Variants in ZNF729 observed in about 807,000 individuals in gnomAD.
ZNF729 encodes the protein zinc finger protein 729.
In ZNF729, 15 loss-of-function variants were observed where a neutral mutation model predicts 12.2. The observed-to-expected ratio is 1.23, with a 90% CI of 0.82 to 1.89. ZNF729 has a LOEUF of 1.89. Among genes scored for constraint, ZNF729 ranks in the 40% most tolerant of loss-of-function variants. ZNF729 has a pLI of 0.00. For synonymous variants in ZNF729, 492 were observed against 476.3 expected, an observed-to-expected ratio of 1.03 and a Z score of -0.43; for missense variants, 1,540 against 1,456.7, an observed-to-expected ratio of 1.06 and a Z score of -0.93.
At position 22,314,165 on chromosome 19, in the gene ZNF729, A is replaced by G. The variant is rs201828154; in HGVS notation, c.748A>G (p.Thr250Ala). The G allele has an allele frequency of 4.4e-4, 685 of 1,571,974 alleles. No individual in the cohort carries two copies. The highest frequency in any genetic ancestry group is 1.2e-3 in the Middle Eastern group (7 of 6,008). Residue 250 changes from threonine (T) to alanine (A), a missense_variant, in exon 4 of 4, where the codon ACG (threonine) becomes GCG (alanine). Thr to Ala is a moderately conservative substitution (Grantham distance 58, BLOSUM62 0). Transcript: ENST00000601693. ...KCGNAFKFSS[T>A]FTKHKRIHTG... ...TGGCAATGCCTTTAAATTTTCTTCA[A>G]CGTTCACTAAACATAAGAGAATTCA...
chr19:22,290,945 T>C (rs1290960971), intron 1 of ZNF729, among the ~76,000 whole-genome samples: 1 of 152,148 alleles, frequency 6.6e-6, no homozygotes, highest in African/African-American at 2.4e-5. Context: ...TATAATATTA[T>C]TGAACTTGAA....
intron 1 of ZNF729, among the ~76,000 whole-genome samples, chr19:22,291,639 CAG>C (rs1384848220): frequency 1.3e-5 from 2 of 149,644 alleles, no homozygotes; most frequent in South Asian, 2.1e-4. Flanking sequence ...AGAAATTAAT[CAG>C]AGTAGAGTCA....
chr19:22,316,031 A>G lies in ZNF729; in HGVS notation c.2614A>G (p.Ile872Val). The G allele has an allele frequency of 1.9e-6, 3 of 1,610,560 alleles. No individual in the cohort carries two copies. The highest frequency in any genetic ancestry group is 2.5e-6 in the Non-Finnish European group (3 of 1,179,608). Residue 872 changes from isoleucine (I) to valine (V), a missense_variant, in exon 4 of 4, where the codon ATA (isoleucine) becomes GTA (valine). Physicochemically the swap from Ile to Val is conservative, Grantham distance 29. Coordinates refer to ENST00000601693, the MANE Select transcript of ZNF729 (RefSeq NM_001242680.2). ...SQSSSLRKHE[I>V]IHSGEKPYKC... is the part of the protein sequence containing the mutation. The stretch of plus-strand genomic sequence containing the variant: ...ATCCTCATCCCTTAGAAAACATGAG[A>G]TAATTCATAGTGGAGAGAAACCATA...
chr19:22,300,802 T>C (rs910021674), intron 1 of ZNF729, among the ~76,000 whole-genome samples: 2 of 152,194 alleles, frequency 1.3e-5, no homozygotes, highest in Admixed American at 6.5e-5. Flanking sequence ...AGTAGACATG[T>C]ACACTTGGGA....
chr19:22,315,097 T>C lies in ZNF729; in HGVS notation c.1680T>C (p.Thr560=). 6.2e-7 allele frequency: 1 copy of C among 1,610,148 alleles called. No individual in the cohort carries two copies. Among genetic ancestry groups the C allele is most frequent in the Non-Finnish European group, 8.5e-7 (1 of 1,179,418 alleles). ...CTTTTAAGTGGTCATCAAAACTTACTGTACATAAGGTAATTCATACTGGAG... is the reference window on the plus strand; with the variant it reads ...CTTTTAAGTGGTCATCAAAACTTACCGTACATAAGGTAATTCATACTGGAG... The part of the protein sequence containing the change: ...GKAFKWSSKL[T]VHKVIHTGEK... Residue 560 remains threonine, a synonymous_variant, in exon 4 of 4, where the codon ACT becomes ACC. Coordinates refer to ENST00000601693, the MANE Select transcript of ZNF729 (RefSeq NM_001242680.2).
chr19:22,312,759 G>A (rs1270963298), intron 3 of ZNF729, among the ~76,000 whole-genome samples: 2 of 152,044 alleles, frequency 1.3e-5, no homozygotes, highest in Non-Finnish European at 2.9e-5. Flanking sequence ...TTTTGCCCAG[G>A]CTGGAGTGCG....
chr19:22,300,607 C>T (rs1447126699), intron 1 of ZNF729, among the ~76,000 whole-genome samples: 1 of 152,190 alleles, frequency 6.6e-6, no homozygotes, highest in Non-Finnish European at 1.5e-5. Context: ...AATTGCTTCT[C>T]TGCCAATTTG....
intron 3 of ZNF729, among the ~76,000 whole-genome samples, chr19:22,311,540 C>T (rs1968449776): frequency 6.6e-6 from 1 of 152,040 alleles, no homozygotes; most frequent in Non-Finnish European, 1.5e-5. Context: ...TTTTATTCCA[C>T]TGTGGTCTGA....
intron 3 of ZNF729, among the ~76,000 whole-genome samples, chr19:22,313,391 C>G (rs1250987954): frequency 1.3e-5 from 2 of 152,190 alleles, no homozygotes; most frequent in Non-Finnish European, 2.9e-5. Context: ...TTTTTGGTAG[C>G]AGGAAGAGCT....
intron 1 of ZNF729, among the ~76,000 whole-genome samples, chr19:22,294,159 AG>A (rs1249763815): frequency 3.3e-5 from 5 of 152,330 alleles, no homozygotes; most frequent in African/African-American, 1.2e-4. Flanking sequence ...GATGTAAGGA[AG>A]GGGTCCAGTT....
chr19:22,317,068 T>C lies in ZNF729; in HGVS notation c.3651T>C (p.Asn1217=). The change falls in exon 4 of 4, where the codon AAT becomes AAC. Residue 1217 remains asparagine, a synonymous_variant. Coordinates refer to ENST00000601693, the MANE Select transcript of ZNF729 (RefSeq NM_001242680.2). The part of the protein sequence containing the change: ...KTIHTREKPT[N]VKKVPKLLSN... ...TTCATACCAGAGAGAAACCTACAAA[T>C]GTGAAGAAAGTACCAAAGCTTTTAA... is the stretch of plus-strand genomic sequence containing the variant. 1 of 1,605,356 alleles carries C rather than the reference T, an allele frequency of 6.2e-7. No homozygotes were observed. Among genetic ancestry groups the C allele is most frequent in the Non-Finnish European group, 8.5e-7 (1 of 1,176,840 alleles).
At chr19:22,308,014 C>T (rs969101657) in intron 3 of ZNF729, among the ~76,000 whole-genome samples, 10 of 151,836 alleles carry the variant, frequency 6.6e-5, no homozygotes, top group Non-Finnish European at 1.5e-4. Flanking sequence ...TCCCTCGTTT[C>T]CCTCCCGCTC....
At chr19:22,310,190 C>T (rs58410881) in intron 3 of ZNF729, among the ~76,000 whole-genome samples, 3,795 of 152,010 alleles carry the variant, frequency 0.025, 152 homozygotes, top group African/African-American at 0.087. Context: ...TTACCAATTT[C>T]GATGCCCTAT....
chr19:22,296,617 CTTAT>C (rs981570007), intron 1 of ZNF729, among the ~76,000 whole-genome samples: 8 of 151,904 alleles, frequency 5.3e-5, no homozygotes, highest in Admixed American at 2.6e-4. Flanking sequence ...CAGTTCTGAT[CTTAT>C]TTATTTATTT....
At chr19:22,310,698 A>G (rs919246413) in intron 3 of ZNF729, among the ~76,000 whole-genome samples, 13 of 152,094 alleles carry the variant, frequency 8.5e-5, no homozygotes, top group African/African-American at 3.1e-4. Context: ...TATTAGGGTG[A>G]TGCTGGCTTC....
At position 22,315,119 on chromosome 19, in the gene ZNF729, G is replaced by A. The variant is rs545474621; in HGVS notation, c.1702G>A (p.Gly568Arg). The A allele has an allele frequency of 1.4e-4, 232 of 1,610,886 alleles. No individual in the cohort carries two copies. Among genetic ancestry groups the A allele is most frequent in the Non-Finnish European group, 1.9e-4 (225 of 1,179,630 alleles). ...TACTGTACATAAGGTAATTCATACT[G>A]GAGAGAAACCCTGCAAATGTGAAGA... ...KLTVHKVIHT[G>R]EKPCKCEECG... Residue 568 changes from glycine to arginine, a missense_variant, in exon 4 of 4, where the codon GGA becomes AGA. Coordinates refer to ENST00000601693, the MANE Select transcript of ZNF729 (RefSeq NM_001242680.2).
At chr19:22,294,419 T>C (rs1234969105) in intron 1 of ZNF729, among the ~76,000 whole-genome samples, 2 of 152,190 alleles carry the variant, frequency 1.3e-5, no homozygotes, top group Non-Finnish European at 2.9e-5. Context: ...AGCTTTGTTC[T>C]TTTTGCTTAG....
chr19:22,291,513 A>C (rs912196867), intron 1 of ZNF729, among the ~76,000 whole-genome samples: 15 of 152,166 alleles, frequency 9.9e-5, no homozygotes, highest in South Asian at 4.1e-4. Context: ...AAGTGTCTAC[A>C]AGTCTCCTGG....
intron 3 of ZNF729, among the ~76,000 whole-genome samples, chr19:22,311,172 G>A (rs1472024165): frequency 6.6e-6 from 1 of 151,794 alleles, no homozygotes; most frequent in Non-Finnish European, 1.5e-5. Flanking sequence ...GTTTTTGTCT[G>A]TTGGTTTGTT....
Sources: gnomAD v4.1 joint callset for allele counts (sites outside exome capture counted in the v4.1 genomes callset) on GRCh38, gnomAD v4.1.1 for gene constraint, MANE v1.5 for transcripts, NCBI Gene and HGNC (gene_info 2026-07-23, HGNC 2026-07-21) for gene names.